Variants in RAG1 observed in about 807,000 individuals in gnomAD.
RAG1 encodes the protein recombination activating 1, also known as V(D)J recombination-activating protein 1.
RAG1 carries 35 observed loss-of-function variants against 62.7 expected under a neutral mutation model. That is an observed-to-expected ratio of 0.56 (90% CI 0.43 to 0.74). The LOEUF (loss-of-function observed/expected upper bound fraction) is 0.74. RAG1 is among the 30% of genes least tolerant of loss of function. RAG1 has a pLI of 0.00. For synonymous variants in RAG1, 461 were observed against 470.3 expected (o/e 0.98, Z 0.26); for missense variants, 1,169 against 1,278.6 (o/e 0.91, Z 1.31).
At chr11:36,571,544 T>G (rs1217428422) in intron 1 of RAG1, among the ~76,000 whole-genome samples, 1 of 152,238 alleles carries the variant, frequency 6.6e-6, no homozygotes, top group Non-Finnish European at 1.5e-5. Context: ...TAGTCCTGCA[T>G]AGGGAACAAT....
chr11:36,525,287 T>C (rs1860142986), intron 2 of RAG1, among the ~76,000 whole-genome samples: 1 of 152,208 alleles, frequency 6.6e-6, no homozygotes, highest in Non-Finnish European at 1.5e-5. Context: ...TGCTACAAAG[T>C]TGTGATTACT....
At chr11:36,564,635 T>C (rs1475874365), upstream of RAG1, among the ~76,000 whole-genome samples, 2 of 152,206 alleles carry the variant, frequency 1.3e-5, no homozygotes, top group Non-Finnish European at 2.9e-5. Flanking sequence ...GAGAGTGAGC[T>C]GCAGCCGACG....
At chr11:36,572,992 A>G (rs1004928809) in intron 1 of RAG1, among the ~76,000 whole-genome samples, 3 of 152,232 alleles carry the variant, frequency 2.0e-5, no homozygotes, top group Non-Finnish European at 4.4e-5. Flanking sequence ...GGAGGCAAAG[A>G]TGAATCAAAG....
chr11:36,547,341 G>C (rs961994045), intron 3 of RAG1, among the ~76,000 whole-genome samples: 1 of 151,982 alleles, frequency 6.6e-6, no homozygotes, highest in Non-Finnish European at 1.5e-5. Flanking sequence ...CCAGAAGCTG[G>C]TTTTTTGAAA....
At chr11:36,516,699 T>C (rs952669389) in intron 1 of RAG1, among the ~76,000 whole-genome samples, 2 of 152,250 alleles carry the variant, frequency 1.3e-5, no homozygotes. Context: ...ATTCTCTTTG[T>C]ACCTTCCCTT....
chr11:36,577,564 G>T lies in RAG1; in HGVS notation c.*1128G>T. On this transcript the variant is annotated 3_prime_UTR_variant, in exon 2 of 2. Transcript: ENST00000299440. ...TAAGTTTAGATGGAGTCCAAACGCA[G>T]TACAGCAGAAGAGTTAACATTTACA... The T allele has an allele frequency of 6.0e-6, 1 of 167,144 alleles. No homozygotes were observed. The allele number at this position is 167,144 out of a possible 1,614,324, so 10.4% of individuals were successfully genotyped here. A position where few individuals can be genotyped will look rare whatever the true frequency, so the allele number is the denominator to read the frequency against.
chr11:36,528,711 TG>T (rs1258539577), intron 2 of RAG1, among the ~76,000 whole-genome samples: 2 of 151,832 alleles, frequency 1.3e-5, no homozygotes, highest in Non-Finnish European at 2.9e-5. Context: ...ATCCAGGAGA[TG>T]TTTTTTTTGA....
intron 2 of RAG1, among the ~76,000 whole-genome samples, chr11:36,524,041 A>G (rs1427919927): frequency 1.3e-5 from 2 of 152,166 alleles, no homozygotes; most frequent in African/African-American, 4.8e-5. Context: ...CATTTCAAGA[A>G]TTTTATATGA....
At chr11:36,519,891 A>T (rs2133694050) in intron 1 of RAG1, among the ~76,000 whole-genome samples, 1 of 152,390 alleles carries the variant, frequency 6.6e-6, no homozygotes, top group East Asian at 1.9e-4. Context: ...ACAGAAGATT[A>T]TAAAATAAAA....
downstream of RAG1, among the ~76,000 whole-genome samples, chr11:36,537,460 T>C (rs567699935): frequency 2.0e-5 from 3 of 152,312 alleles, no homozygotes; most frequent in South Asian, 2.1e-4. Context: ...ATTTTTTTAA[T>C]CTATCAGTTA....
At chr11:36,527,737 G>T (rs1200122946) in intron 2 of RAG1, among the ~76,000 whole-genome samples, 1 of 152,040 alleles carries the variant, frequency 6.6e-6, no homozygotes, top group East Asian at 1.9e-4. Flanking sequence ...TTTTCCATTT[G>T]TTTGTGTCCT....
intron 2 of RAG1, among the ~76,000 whole-genome samples, chr11:36,528,890 T>C (rs2133253908): frequency 6.6e-6 from 1 of 151,956 alleles, no homozygotes; most frequent in South Asian, 2.1e-4. Context: ...AACTAGAAAA[T>C]CTAGAAGAAA....
At position 36,575,892 on chromosome 11, in the gene RAG1, A is replaced by G. The variant is rs758236480; in HGVS notation, c.2588A>G (p.Lys863Arg). Residue 863 changes from lysine to arginine, a missense_variant, in exon 2 of 2, where the codon AAA (lysine) becomes AGA (arginine). Transcript: ENST00000299440. The surrounding 1 kb of genome is among the most constrained non-coding windows in gnomAD (Gnocchi z 4.1). ...AACTTTGCCAGGAAGCTCATGACCA[A>G]AGAGACTGTGGATGCAGTTTGTGAG... is the stretch of plus-strand genomic sequence containing the variant. ...NGNFARKLMT[K>R]ETVDAVCELI... 2 of 1,614,028 alleles carry G rather than the reference A, an allele frequency of 1.2e-6. No homozygotes were observed. The highest frequency in any genetic ancestry group is 2.2e-5 in the East Asian group (1 of 44,888).
chr11:36,543,323 C>T (rs1590679497), intron 3 of RAG1, among the ~76,000 whole-genome samples: 1 of 152,220 alleles, frequency 6.6e-6, no homozygotes, highest in Non-Finnish European at 1.5e-5. Context: ...ACCAGTCCAG[C>T]ATCAGAGAAC....
At chr11:36,516,015 T>C (rs1859990384) in intron 1 of RAG1, among the ~76,000 whole-genome samples, 1 of 151,982 alleles carries the variant, frequency 6.6e-6, no homozygotes, top group Non-Finnish European at 1.5e-5. Flanking sequence ...AAGGAATGAG[T>C]CTATTTTTTT....
chr11:36,571,809 A>C (rs1182027673), intron 1 of RAG1, among the ~76,000 whole-genome samples: 4 of 151,870 alleles, frequency 2.6e-5, no homozygotes, highest in African/African-American at 9.7e-5. Context: ...GTACAGATGG[A>C]GTATCACCAT....
At position 36,574,110 on chromosome 11, in the gene RAG1, G is replaced by A; in HGVS notation, c.806G>A (p.Cys269Tyr). Reference sequence around the variant, plus strand: ...GATGTCATGAAGAAGATCGCCAACTGCAGTAAGATACATCTTAGTACCAAG... The same window carrying A: ...GATGTCATGAAGAAGATCGCCAACTACAGTAAGATACATCTTAGTACCAAG... The part of the protein sequence containing the change: ...SKDVMKKIAN[C>Y]SKIHLSTKLL... Residue 269 changes from cysteine (C) to tyrosine (Y), a missense_variant, in exon 2 of 2, where the codon TGC becomes TAC. Around this residue, in one of 2 missense-constraint regions of RAG1, gnomAD observed 369 missense variants for 335.3 expected, o/e 1.10. Transcript: ENST00000299440. The A allele has an allele frequency of 1.9e-6, 3 of 1,614,202 alleles. No individual in the cohort carries two copies. The highest frequency in any genetic ancestry group is 2.5e-6 in the Non-Finnish European group (3 of 1,180,050).
At chr11:36,538,077 T>C (rs1860358815), downstream of RAG1, among the ~76,000 whole-genome samples, 1 of 152,146 alleles carries the variant, frequency 6.6e-6, no homozygotes, top group African/African-American at 2.4e-5. Context: ...CAAGTCCTTA[T>C]AGGAACAAAA....
At chr11:36,542,765 G>A (rs1850328264) in intron 3 of RAG1, among the ~76,000 whole-genome samples, 1 of 152,142 alleles carries the variant, frequency 6.6e-6, no homozygotes, top group South Asian at 2.1e-4. Flanking sequence ...GTCAATGGTT[G>A]TTGAGCTTGG....
Sources: allele counts gnomAD v4.1 joint callset (sites outside exome capture counted in the v4.1 genomes callset), GRCh38; gene constraint gnomAD v4.1.1; regional missense constraint gnomAD v4.1.1; non-coding constraint Gnocchi (gnomAD v3.1); transcripts MANE v1.5; gene names NCBI Gene and HGNC (gene_info 2026-07-23, HGNC 2026-07-21).